The following ARHGAP19 variants were observed in gnomAD, a reference collection of about 807,000 sequenced individuals.
The protein encoded by ARHGAP19 is rho GTPase-activating protein 19.
Under a neutral mutation model 60.9 loss-of-function variants are expected in ARHGAP19, and 48 were observed. The observed-to-expected ratio is 0.79, with a 90% confidence interval of 0.62 to 1.00. ARHGAP19 has a LOEUF of 1.00. Ranked by LOEUF, ARHGAP19 falls within the 50% of genes least tolerant of loss-of-function variation. The pLI is 0.00. For synonymous variants in ARHGAP19, 209 were observed against 215.5 expected, an observed-to-expected ratio of 0.97 and a Z score of 0.27; for missense variants, 562 against 597.2, an observed-to-expected ratio of 0.94 and a Z score of 0.61.
chr10:97,226,703 G>A (rs1345184582), intron 11 of ARHGAP19, among the ~76,000 whole-genome samples: 1 of 152,224 alleles, frequency 6.6e-6, no homozygotes, highest in African/African-American at 2.4e-5. Context: ...ACTAGTTACA[G>A]AGATAAGACA....
At chr10:97,257,611 C>G (rs1564721295) in intron 5 of ARHGAP19, among the ~76,000 whole-genome samples, 1 of 151,976 alleles carries the variant, frequency 6.6e-6, no homozygotes, top group Non-Finnish European at 1.5e-5. Context: ...TTTTTATAAC[C>G]ACAGTTTGCT....
At chr10:97,292,443 G>C in intron 1 of ARHGAP19, 129 bp downstream of exon 1, 1 of 1,243,154 alleles carries the variant, frequency 8.0e-7, no homozygotes, top group South Asian at 1.3e-5. Flanking sequence ...CCGCAGGCGC[G>C]ACGATGAGAA....
chr10:97,259,343 T>C (rs1842796319), intron 5 of ARHGAP19, 59 bp downstream of exon 5: 6 of 1,333,530 alleles, frequency 4.5e-6, no homozygotes, highest in African/African-American at 4.3e-5. Context: ...TGTACAGCCA[T>C]AGAATGAGGC....
intron 1 of ARHGAP19, among the ~76,000 whole-genome samples, chr10:97,283,071 G>A (rs1376004328): frequency 6.6e-6 from 1 of 151,084 alleles, no homozygotes; most frequent in Admixed American, 6.6e-5. Context: ...TTGAACTCCT[G>A]ACCTCAGGCA....
chr10:97,270,725 A>G, intron 1 of ARHGAP19: 1 of 1,508,868 alleles, frequency 6.6e-7, no homozygotes, highest in Non-Finnish European at 8.9e-7. Flanking sequence ...GCCTACGCAA[A>G]TTCCAGACAT....
chr10:97,253,373 C>G (rs1842713537), intron 6 of ARHGAP19, among the ~76,000 whole-genome samples: 1 of 128,986 alleles, frequency 7.8e-6, no homozygotes, highest in South Asian at 2.3e-4. Context: ...AGTGAAAACT[C>G]TATCTCAAAA....
At chr10:97,283,364 G>C (rs1202301770) in intron 1 of ARHGAP19, among the ~76,000 whole-genome samples, 2 of 151,590 alleles carry the variant, frequency 1.3e-5, no homozygotes, top group Non-Finnish European at 2.9e-5. Flanking sequence ...AGACCAACCT[G>C]GCCAACATGG....
chr10:97,231,770 G>C (rs571904297), intron 9 of ARHGAP19, among the ~76,000 whole-genome samples: 9 of 152,212 alleles, frequency 5.9e-5, no homozygotes, highest in African/African-American at 2.2e-4. Flanking sequence ...ATGAATACGG[G>C]TGTACAAATA....
chr10:97,232,090 A>C (rs141365954), intron 9 of ARHGAP19, among the ~76,000 whole-genome samples: 3,074 of 134,270 alleles, frequency 0.023, 51 homozygotes, highest in East Asian at 0.11. Flanking sequence ...ACATCTTTTC[A>C]TGTGTTTCTT....
At chr10:97,272,710 T>G (rs1333504129) in intron 1 of ARHGAP19, among the ~76,000 whole-genome samples, 1 of 152,226 alleles carries the variant, frequency 6.6e-6, no homozygotes, top group Non-Finnish European at 1.5e-5. Flanking sequence ...CTTATCTTTT[T>G]TAATGTCTCT....
At chr10:97,230,546 A>T (rs1018216768) in intron 9 of ARHGAP19, among the ~76,000 whole-genome samples, 1 of 151,848 alleles carries the variant, frequency 6.6e-6, no homozygotes, top group East Asian at 1.9e-4. Flanking sequence ...CTTTGGAGAA[A>T]TTTTTTTTTC....
chr10:97,243,958 C>T lies in ARHGAP19; in HGVS notation c.1185+10G>A, dbSNP rs376443725. The T allele has an allele frequency of 2.3e-5, 36 of 1,596,664 alleles. No individual in the cohort carries two copies. In the African/African-American group the frequency reaches 4.8e-4, roughly 21 times the overall value. ...TAAAGCCCCATCACAACTTCCCTGC[C>T]TTTAGGCACCTGTCTAATAAGTTGT... On this transcript the variant is annotated intron_variant, in intron 8 of 11. Coordinates refer to ENST00000358531, the MANE Select transcript of ARHGAP19 (RefSeq NM_032900.6).
intron 1 of ARHGAP19, among the ~76,000 whole-genome samples, chr10:97,290,060 AT>A (rs982731703): frequency 2.6e-5 from 4 of 151,914 alleles, no homozygotes; most frequent in African/African-American, 7.2e-5. Flanking sequence ...ATGATCAACC[AT>A]TTATAGGCAG....
At chr10:97,243,566 A>C (rs1842519818) in intron 8 of ARHGAP19, among the ~76,000 whole-genome samples, 1 of 152,226 alleles carries the variant, frequency 6.6e-6, no homozygotes, top group Non-Finnish European at 1.5e-5. Context: ...CTCTACACAG[A>C]TTATCTCTAA....
intron 10 of ARHGAP19, 85 bp from the exon 11 acceptor site, chr10:97,229,310 C>T: frequency 1.8e-6 from 2 of 1,140,052 alleles, no homozygotes; most frequent in Non-Finnish European, 2.6e-6. Flanking sequence ...ATTATTTGTT[C>T]AATTTCAATG....
At chr10:97,251,230 A>ATGGAAGGGGAG (rs1564717848) in intron 6 of ARHGAP19, among the ~76,000 whole-genome samples, 1 of 20,538 alleles carries the variant, frequency 4.9e-5, no homozygotes, top group Admixed American at 6.6e-4. Flanking sequence ...TGGAAGGGGA[A>ATGGAAGGGGAG]GGGAAGGGGA....
chr10:97,253,300 C>T (rs1436264992), intron 6 of ARHGAP19, among the ~76,000 whole-genome samples: 1 of 151,412 alleles, frequency 6.6e-6, no homozygotes, highest in Non-Finnish European at 1.5e-5. Context: ...ATCGCTTGAA[C>T]CCAGGAGACG....
intron 6 of ARHGAP19, among the ~76,000 whole-genome samples, chr10:97,252,604 C>G (rs1020121232): frequency 1.3e-5 from 2 of 151,954 alleles, no homozygotes; most frequent in Non-Finnish European, 2.9e-5. Context: ...AGCCTGGTGA[C>G]AGAGTGAGAC....
At chr10:97,256,287 T>C in intron 6 of ARHGAP19, 31 bp downstream of exon 6, 1 of 1,537,238 alleles carries the variant, frequency 6.5e-7, no homozygotes, top group Non-Finnish European at 9.0e-7. Context: ...TTCTTTGTCC[T>C]GTTACCAGCC....
Sources: allele counts gnomAD v4.1 joint callset (sites outside exome capture counted in the v4.1 genomes callset), GRCh38; gene constraint gnomAD v4.1.1; transcripts MANE v1.5; gene names NCBI Gene and HGNC (gene_info 2026-07-23, HGNC 2026-07-21).